The following PANK3 variants were observed in gnomAD, a reference collection of about 807,000 sequenced individuals.
PANK3 encodes hPanK3.
A neutral mutation model predicts 39.4 loss-of-function variants in PANK3; 20 were observed. The observed-to-expected ratio is 0.51, with a 90% CI of 0.36 to 0.74. PANK3 has a LOEUF of 0.74. Among genes scored for constraint, PANK3 ranks in the 30% least tolerant of loss-of-function variants. The probability of loss-of-function intolerance (pLI) is 0.00; values close to 1 mark genes in which losing one functional copy is unlikely to be tolerated. For missense variants in PANK3, 265 were observed against 437.0 expected (o/e 0.61, Z 3.51); for synonymous variants, 140 against 157.3 (o/e 0.89, Z 0.82).
Position 168,566,136 on chromosome 5 carries a change from C to T in PANK3, c.512G>A (p.Arg171Gln), listed in dbSNP as rs765418883. 10 of 1,613,878 alleles carry T rather than the reference C, an allele frequency of 6.2e-6. No individual in the cohort carries two copies. Among genetic ancestry groups the T allele is most frequent in the Middle Eastern group, 1.6e-4 (1 of 6,062 alleles). Residue 171 changes from arginine to glutamine, a missense_variant, in exon 3 of 7, where the codon CGA becomes CAA. Physicochemically the swap from Arg to Gln is conservative, Grantham distance 43 (BLOSUM62 1). This residue lies in a region of PANK3 where 154 missense variants were observed against 256.8 expected (regional missense o/e 0.60). Transcript: ENST00000239231. ...YYFANASEPE[R>Q]CQKMPFNLDD... ...CAGGTTAAAAGGCATCTTTTGGCAT[C>T]GCTCAGGTTCTGAGGCATTAGCAAA...
At chr5:168,558,029 C>T (rs559770343) in intron 6 of PANK3, among the ~76,000 whole-genome samples, 2 of 152,212 alleles carry the variant, frequency 1.3e-5, no homozygotes, top group East Asian at 3.9e-4. Context: ...CTCCCCTTTA[C>T]TTAATAAAAC....
At chr5:168,561,346 A>T (rs369890694) in intron 5 of PANK3, 47 bp downstream of exon 5, 8 of 1,523,542 alleles carry the variant, frequency 5.3e-6, no homozygotes, top group South Asian at 2.5e-5. Flanking sequence ...ATAGGACTCC[A>T]ATTCACATTT....
intron 1 of PANK3, among the ~76,000 whole-genome samples, chr5:168,573,454 A>C (rs1195358314): frequency 6.8e-6 from 1 of 147,486 alleles, no homozygotes; most frequent in African/African-American, 2.5e-5. Context: ...AAAGGCACAA[A>C]GAAGGCAGCA....
chr5:168,560,989 A>T (rs757056304), intron 5 of PANK3: 3 of 496,518 alleles, frequency 6.0e-6, no homozygotes, highest in Non-Finnish European at 1.3e-5. Context: ...ACTTCCAAGA[A>T]TTTCACTAAT....
intron 2 of PANK3, among the ~76,000 whole-genome samples, chr5:168,568,146 T>G (rs1052582690): frequency 6.6e-6 from 1 of 152,074 alleles, no homozygotes; most frequent in East Asian, 1.9e-4. Context: ...CACAGGAACA[T>G]GGCAGGATTA....
rs1271179597 is a variant in PANK3 at position 168,555,621 on chromosome 5, A to C, written c.*1950T>G. On this transcript the variant is annotated 3_prime_UTR_variant, in exon 7 of 7. Coordinates refer to ENST00000239231, the MANE Select transcript of PANK3 (RefSeq NM_024594.4). Reference sequence around the variant, plus strand: ...ATTTCAACATGTAATCAATACAAAAAATTAGGAGATATTTAACCTTTTATT... The same window carrying C: ...ATTTCAACATGTAATCAATACAAAACATTAGGAGATATTTAACCTTTTATT... The C allele has an allele frequency of 6.6e-6, 1 of 152,250 alleles. No individual in the cohort carries two copies. The highest frequency in any genetic ancestry group is 1.5e-5 in the Non-Finnish European group (1 of 68,044). The allele number at this position is 152,250 out of a possible 1,614,324, so 9.4% of individuals were successfully genotyped here. A position where few individuals can be genotyped will look rare whatever the true frequency, so the allele number is the denominator to read the frequency against.
chr5:168,562,963 C>T (rs1288525168), intron 4 of PANK3, among the ~76,000 whole-genome samples: 2 of 151,632 alleles, frequency 1.3e-5, no homozygotes, highest in East Asian at 3.9e-4. Context: ...GTAAAAAAGC[C>T]ATCTCAAATC....
Position 168,579,159 on chromosome 5 carries a change from G to T in PANK3, c.28+97C>A, listed in dbSNP as rs980263497. On this transcript the variant is annotated intron_variant, in intron 1 of 6. Transcript: ENST00000239231. ...CCATACCGGACGAAGCGCCGGCGAG[G>T]AGCGACGGGCTTGGAAGCCGACCGC... 6 of 1,157,326 alleles carry T rather than the reference G, an allele frequency of 5.2e-6. No individual in the cohort carries two copies. In the African/African-American group the frequency reaches 9.9e-5, roughly 19 times the overall value. The allele number at this position is 1,157,326 out of a possible 1,614,324, so 71.7% of individuals were successfully genotyped here.
rs1258372850 is a variant in PANK3 at position 168,556,335 on chromosome 5, A to G, written c.*1236T>C. ...GAGAGATTTACTCCTGCCATGGATC[A>G]TATGCATTTCTACCATCAACTCCTG... On this transcript the variant is annotated 3_prime_UTR_variant, in exon 7 of 7. Coordinates refer to ENST00000239231, the MANE Select transcript of PANK3 (RefSeq NM_024594.4). The G allele has an allele frequency of 6.6e-6, 1 of 152,222 alleles. No homozygotes were observed. The highest frequency in any genetic ancestry group is 1.5e-5 in the Non-Finnish European group (1 of 68,046). The allele number at this position is 152,222 out of a possible 1,614,324, so 9.4% of individuals were successfully genotyped here.
Position 168,566,266 on chromosome 5 carries a change from T to G in PANK3, c.382A>C (p.Ile128Leu). Residue 128 changes from isoleucine (I) to leucine (L), a missense_variant and splice_region_variant, in exon 3 of 7, where the codon ATT (isoleucine) becomes CTT (leucine). Physicochemically the swap from Ile to Leu is conservative, Grantham distance 5 (BLOSUM62 2). Transcript: ENST00000239231. ...AYKFEKDFRTIGNLHLHKLDE... is the reference protein window; with the variant it reads ...AYKFEKDFRTLGNLHLHKLDE... Reference sequence around the variant, plus strand: ...AGTTTGTGCAGGTGGAGGTTTCCAATCTGTTAAAACAAACAAACAAAAACA... The same window carrying G: ...AGTTTGTGCAGGTGGAGGTTTCCAAGCTGTTAAAACAAACAAACAAAAACA... 6.3e-7 allele frequency: 1 copy of G among 1,589,474 alleles called. No individual in the cohort carries two copies. The highest frequency in any genetic ancestry group is 1.1e-5 in the South Asian group (1 of 89,656).
At position 168,551,135 on chromosome 5, in the gene PANK3, T is replaced by C. The variant is rs938598990; in HGVS notation, c.*6436A>G. On this transcript the variant is annotated 3_prime_UTR_variant, in exon 7 of 7. Transcript: ENST00000239231. ...CTTTAGTGATTATTACTAGGCTCAG[T>C]AGAAACCAGAAGACAATTATTCTCT... The C allele has an allele frequency of 6.6e-6, 1 of 152,114 alleles. No individual in the cohort carries two copies. Among genetic ancestry groups the C allele is most frequent in the Non-Finnish European group, 1.5e-5 (1 of 68,000 alleles). The allele number at this position is 152,114 out of a possible 1,614,324, so 9.4% of individuals were successfully genotyped here.
In PANK3 at chr5:168,553,177, T is replaced by TCTTCAGACCCCAAGATGAA. The variant is rs1759298503; in HGVS notation, c.*4375_*4393dup. 1 of 492,682 alleles carries TCTTCAGACCCCAAGATGAA rather than the reference T, an allele frequency of 2.0e-6. No homozygotes were observed. The highest frequency in any genetic ancestry group is 2.1e-5 in the African/African-American group (1 of 48,242). 30.5% of individuals were successfully genotyped at this position (492,682 alleles called of 1,614,324 possible). On this transcript the variant is annotated 3_prime_UTR_variant, in exon 7 of 7. Transcript: ENST00000239231. ...AAAGCCCAGTATCACTGGGCATAGC[T>TCTTCAGACCCCAAGATGAA]CTTCAGACCCCAAGATGAACTCCAG...
chr5:168,563,858 G>A (rs766160847), intron 4 of PANK3, 31 bp downstream of exon 4: 1 of 1,537,626 alleles, frequency 6.5e-7, no homozygotes, highest in Non-Finnish European at 8.8e-7. Context: ...CTTAACTTCT[G>A]TAACTTAAAT....
At chr5:168,577,055 A>G (rs901447656) in intron 1 of PANK3, among the ~76,000 whole-genome samples, 2 of 151,416 alleles carry the variant, frequency 1.3e-5, no homozygotes, top group East Asian at 1.9e-4. Context: ...TAATTTTCCT[A>G]TTTTTAGTAG....
intron 3 of PANK3, 103 bp from the exon 4 acceptor site, chr5:168,564,168 A>G: frequency 9.6e-7 from 1 of 1,041,142 alleles, no homozygotes; most frequent in Non-Finnish European, 1.3e-6. Context: ...ACACAGAAAA[A>G]AAACCTATGA....
chr5:168,573,778 T>G (rs1373051746), intron 1 of PANK3, among the ~76,000 whole-genome samples: 1 of 151,112 alleles, frequency 6.6e-6, no homozygotes, highest in Non-Finnish European at 1.5e-5. Flanking sequence ...TTTGGTTTTT[T>G]GTTCTTGCGA....
At chr5:168,576,404 A>G (rs1200754723) in intron 1 of PANK3, among the ~76,000 whole-genome samples, 3 of 152,196 alleles carry the variant, frequency 2.0e-5, no homozygotes, top group African/African-American at 7.2e-5. Flanking sequence ...GGTAACCCAA[A>G]CACAATCTTA....
In PANK3 at chr5:168,557,459, TTATGC is replaced by T; in HGVS notation, c.*107_*111del. On this transcript the variant is annotated 3_prime_UTR_variant, in exon 7 of 7. Transcript: ENST00000239231. ...CTTTAATATGGCAACATTCAGCAGC[TTATGC>T]TACTCTTTTATCCTTTGGTTCCCAG... 2 of 924,052 alleles carry T rather than the reference TTATGC, an allele frequency of 2.2e-6. No individual in the cohort carries two copies. The highest frequency in any genetic ancestry group is 4.9e-5 in the East Asian group (2 of 40,830). The allele number at this position is 924,052 out of a possible 1,614,324, so 57.2% of individuals were successfully genotyped here. A position where few individuals can be genotyped will look rare whatever the true frequency, so the allele number is the denominator to read the frequency against.
Position 168,564,054 on chromosome 5 carries a change from C to A in PANK3, c.647G>T (p.Gly216Val). Residue 216 changes from glycine (G) to valine (V), a missense_variant, in exon 4 of 7, where the codon GGT becomes GTT. Around this residue, in one of 3 missense-constraint regions of PANK3, gnomAD observed 154 missense variants for 256.8 expected, o/e 0.60. Coordinates refer to ENST00000239231, the MANE Select transcript of PANK3 (RefSeq NM_024594.4). ...TAAACTGCATAAACCCAGAAAGGTA[C>A]CCCCTCCAAGGCTAAAGAAAATAAA... ...KRVTGTSLGG[G>V]TFLGLCSLLT... The A allele has an allele frequency of 6.2e-7, 1 of 1,606,366 alleles. No individual in the cohort carries two copies. The highest frequency in any genetic ancestry group is 1.1e-5 in the South Asian group (1 of 89,208).
Sources: gnomAD v4.1 joint callset for allele counts (sites outside exome capture counted in the v4.1 genomes callset) on GRCh38, gnomAD v4.1.1 for gene constraint, gnomAD v4.1.1 regional missense constraint, MANE v1.5 for transcripts, NCBI Gene and HGNC (gene_info 2026-07-23, HGNC 2026-07-21) for gene names.